The following CRYL1 variants were observed in gnomAD, a reference collection of about 807,000 sequenced individuals.
CRYL1 encodes lambda-crystallin homolog.
In CRYL1, 29 loss-of-function variants were observed where a neutral mutation model predicts 36.6. The ratio of observed to expected loss-of-function variants is 0.79; its 90% CI spans 0.59 to 1.08. The LOEUF (loss-of-function observed/expected upper bound fraction) is 1.08, where lower values mean the gene tolerates loss of function less well. Ranked by LOEUF, CRYL1 falls within the 50% of genes least tolerant of loss-of-function variation. The pLI is 0.00. For synonymous variants in CRYL1, 152 were observed against 151.5 expected (o/e 1.00, Z -0.02); for missense variants, 411 against 407.9 (o/e 1.01, Z -0.06).
intron 1 of CRYL1, among the ~76,000 whole-genome samples, chr13:20,517,102 C>A (rs951504741): frequency 2.0e-5 from 3 of 152,010 alleles, no homozygotes. Flanking sequence ...TCTTGCTCTA[C>A]CCAAAGTCAA....
intron 3 of CRYL1, among the ~76,000 whole-genome samples, chr13:20,457,634 C>T (rs1001704199): frequency 2.6e-5 from 4 of 152,152 alleles, no homozygotes; most frequent in Non-Finnish European, 4.4e-5. Context: ...AGCAAAGCTT[C>T]GGTGTCATAA....
rs374691875 is a variant in CRYL1 at position 20,463,303 on chromosome 13, GT to G, written c.277-23550del. Among the ~76,000 whole-genome samples the G allele has an allele frequency of 3.2e-3, 482 of 152,288 alleles. 3 individuals carry two copies. The highest frequency in any genetic ancestry group is 0.011 in the African/African-American group (461 of 41,556). On this transcript the variant is annotated intron_variant, in intron 3 of 7. Transcript: ENST00000298248. ...AGAGATGACCAGTATTGATGCTTGA[GT>G]TTTTTCCCAGTGTCTTACCTTGAAA...
At chr13:20,492,119 A>G (rs534554361) in intron 2 of CRYL1, among the ~76,000 whole-genome samples, 1 of 152,332 alleles carries the variant, frequency 6.6e-6, no homozygotes, top group African/African-American at 2.4e-5. Flanking sequence ...AGCACTCAGC[A>G]CACTTCCCTG....
In CRYL1 at chr13:20,404,101, G is replaced by C. The variant is rs912231008; in HGVS notation, c.*28C>G. ...TGTTCCCAAATAGGGCCTCCAATGA[G>C]AGGAGTGGAAGCTGCATTACAAGAA... On this transcript the variant is annotated 3_prime_UTR_variant, in exon 8 of 8. Coordinates refer to ENST00000298248, the MANE Select transcript of CRYL1 (RefSeq NM_015974.3). 2.0e-6 allele frequency: 3 copies of C among 1,485,408 alleles called. No individual in the cohort carries two copies. Among genetic ancestry groups the C allele is most frequent in the South Asian group, 1.1e-5 (1 of 88,418 alleles). The allele number at this position is 1,485,408 out of a possible 1,614,324, so 92.0% of individuals were successfully genotyped here.
At chr13:20,436,201 C>A (rs1343462335) in intron 4 of CRYL1, among the ~76,000 whole-genome samples, 1 of 152,188 alleles carries the variant, frequency 6.6e-6, no homozygotes, top group Non-Finnish European at 1.5e-5. Flanking sequence ...CCAGCCGCGG[C>A]CCCCTTCCCA....
chr13:20,474,789 G>A (rs976497973), intron 3 of CRYL1, among the ~76,000 whole-genome samples: 2 of 152,082 alleles, frequency 1.3e-5, no homozygotes, highest in Non-Finnish European at 2.9e-5. Context: ...AGGTTTGCTG[G>A]AGAAACCGTC....
At chr13:20,437,497 C>T (rs6490575) in intron 4 of CRYL1, among the ~76,000 whole-genome samples, 99,006 of 151,858 alleles carry the variant, frequency 0.65, 33,756 homozygotes, top group Non-Finnish European at 0.76. Flanking sequence ...TTAGTAGAGA[C>T]GGGGTTTCAC....
chr13:20,453,263 T>C (rs200168350), intron 3 of CRYL1, among the ~76,000 whole-genome samples: 31 of 152,322 alleles, frequency 2.0e-4, no homozygotes, highest in East Asian at 1.3e-3. Flanking sequence ...CTGGCCATAA[T>C]TGAATTGAAG....
chr13:20,507,369 C>T (rs561334528), intron 2 of CRYL1, among the ~76,000 whole-genome samples: 70 of 152,294 alleles, frequency 4.6e-4, no homozygotes, highest in African/African-American at 1.6e-3. Flanking sequence ...TACTTTACAA[C>T]GAACGGCTGA....
intron 5 of CRYL1, among the ~76,000 whole-genome samples, chr13:20,421,891 T>G (rs2031827304): frequency 6.6e-6 from 1 of 152,168 alleles, no homozygotes; most frequent in Admixed American, 6.5e-5. Context: ...TGTTATTTAT[T>G]TGCTTATTAA....
chr13:20,441,217 C>T (rs903809703), intron 3 of CRYL1, among the ~76,000 whole-genome samples: 1 of 152,148 alleles, frequency 6.6e-6, no homozygotes, highest in African/African-American at 2.4e-5. Context: ...GCAATAACCA[C>T]CCATTAGAAT....
intron 6 of CRYL1, among the ~76,000 whole-genome samples, chr13:20,412,766 C>T (rs1031711646): frequency 6.6e-6 from 1 of 152,172 alleles, no homozygotes; most frequent in African/African-American, 2.4e-5. Context: ...TGGCCAATGT[C>T]TGGTCTGCCC....
At chr13:20,487,270 G>A (rs1056638994) in intron 3 of CRYL1, among the ~76,000 whole-genome samples, 7 of 150,974 alleles carry the variant, frequency 4.6e-5, no homozygotes, top group African/African-American at 1.2e-4. Context: ...AGCACAGCAA[G>A]TTGCCATGCT....
intron 1 of CRYL1, among the ~76,000 whole-genome samples, chr13:20,516,898 T>C (rs2034008959): frequency 6.6e-6 from 1 of 151,960 alleles, no homozygotes; most frequent in Admixed American, 6.6e-5. Context: ...AGAGGGAAAC[T>C]GCATCTCTAC....
intron 4 of CRYL1, among the ~76,000 whole-genome samples, chr13:20,433,513 C>T (rs9550648): frequency 0.17 from 26,103 of 152,166 alleles, 2,430 homozygotes; most frequent in East Asian, 0.32. Flanking sequence ...GAAATAAGGG[C>T]CATCCTGGGC....
rs943866841 is a variant in CRYL1 at position 20,481,510 on chromosome 13, G to A, written c.276+7860C>T. Among the ~76,000 whole-genome samples, 3 of 152,168 alleles carry A rather than the reference G, an allele frequency of 2.0e-5. No homozygotes were observed. The highest frequency in any genetic ancestry group is 7.2e-5 in the African/African-American group (3 of 41,430). The stretch of plus-strand genomic sequence containing the variant: ...CCCAGCTGTGACGCTGATTTCATAC[G>A]TGACTGTACGCATCTGTCAGACACA... On this transcript the variant is annotated intron_variant, in intron 3 of 7. Coordinates refer to ENST00000298248, the MANE Select transcript of CRYL1 (RefSeq NM_015974.3). This position sits in a 1 kb window ranked among gnomAD's most constrained non-coding sequence, Gnocchi z 4.1.
intron 5 of CRYL1, among the ~76,000 whole-genome samples, chr13:20,417,020 AT>A (rs1366107542): frequency 1.3e-5 from 2 of 152,210 alleles, no homozygotes; most frequent in East Asian, 3.9e-4. Flanking sequence ...GCCCATTTGA[AT>A]TTCTGAAATG....
rs573266701 is a variant in CRYL1 at position 20,459,011 on chromosome 13, G to A, written c.277-19257C>T. On this transcript the variant is annotated intron_variant, in intron 3 of 7. Transcript: ENST00000298248. ...AGCACTTTGGGAGGCCGAGGCGGGC[G>A]GATCACAAGGTCAGGAGATCAAGAC... Among the ~76,000 whole-genome samples the A allele has an allele frequency of 4.7e-4, 71 of 152,142 alleles. No homozygotes were observed. The East Asian group carries it at 9.4e-3, about 20-fold the overall frequency.
chr13:20,410,855 C>T (rs1275276856), intron 6 of CRYL1, among the ~76,000 whole-genome samples: 2 of 152,192 alleles, frequency 1.3e-5, no homozygotes, highest in Admixed American at 6.5e-5. Context: ...CAAGGTTATA[C>T]AGCCAGTAGG....
Sources: allele counts gnomAD v4.1 joint callset (sites outside exome capture counted in the v4.1 genomes callset), GRCh38; gene constraint gnomAD v4.1.1; non-coding constraint Gnocchi (gnomAD v3.1); transcripts MANE v1.5; gene names NCBI Gene and HGNC (gene_info 2026-07-23, HGNC 2026-07-21).